BCL11B: variants seen among roughly 807,000 people sequenced by gnomAD.
BCL11B encodes B-cell lymphoma/leukemia 11B.
Under a neutral mutation model 49.9 loss-of-function variants are expected in BCL11B, and 8 were observed. The observed-to-expected ratio is 0.16, with a 90% CI of 0.09 to 0.29. The LOEUF is 0.29. BCL11B is among the 10% of genes least tolerant of loss of function. The probability of loss-of-function intolerance (pLI) is 1.00; values close to 1 mark genes in which losing one functional copy is unlikely to be tolerated. For synonymous variants in BCL11B, 739 were observed against 637.4 expected (o/e 1.16, Z -2.40); for missense variants, 1,006 against 1,351.0 (o/e 0.74, Z 4.00).
intron 3 of BCL11B, among the ~76,000 whole-genome samples, chr14:99,196,201 C>T (rs1001650231): frequency 2.0e-5 from 3 of 152,200 alleles, no homozygotes; most frequent in African/African-American, 4.8e-5. Flanking sequence ...CCCCAGCCCA[C>T]GTCTCCCCAG....
At chr14:99,266,194 C>G (rs1056228728) in intron 1 of BCL11B, among the ~76,000 whole-genome samples, 15 of 152,122 alleles carry the variant, frequency 9.9e-5, no homozygotes, top group Non-Finnish European at 1.9e-4. Context: ...GGAACATTAC[C>G]TAATAAATGG....
chr14:99,215,376 C>A (rs1266455768), intron 3 of BCL11B, among the ~76,000 whole-genome samples: 5 of 152,198 alleles, frequency 3.3e-5, no homozygotes. Flanking sequence ...GTGGCCGCGG[C>A]CCCTGCCAAA....
intron 3 of BCL11B, among the ~76,000 whole-genome samples, chr14:99,229,153 T>C (rs3929904): frequency 0.058 from 8,598 of 148,168 alleles, 727 homozygotes; most frequent in East Asian, 0.34. Context: ...GATGGATGGA[T>C]GGACGGACGG....
rs1467278349 is a variant in BCL11B at position 99,175,958 on chromosome 14, C to T, written c.878G>A (p.Arg293His). The T allele has an allele frequency of 6.8e-7, 1 of 1,473,140 alleles. No homozygotes were observed. The highest frequency in any genetic ancestry group is 9.0e-7 in the Non-Finnish European group (1 of 1,112,384). The allele number at this position is 1,473,140 out of a possible 1,614,324, so 91.3% of individuals were successfully genotyped here. The change falls in exon 4 of 4, where the codon CGC becomes CAC. Residue 293 changes from arginine to histidine, a missense_variant. Physicochemically the swap from Arg to His is conservative, Grantham distance 29. Transcript: ENST00000357195. Reference protein sequence around the residue: ...LGDSNPFNLLRMTGPILRDHP... With the variant: ...LGDSNPFNLLHMTGPILRDHP... ...GTCCCGCAGGATGGGGCCCGTCATG[C>T]GCAGCAGGTTGAAGGGGTTGCTGTC...
chr14:99,204,164 A>G (rs2139826917), intron 3 of BCL11B, among the ~76,000 whole-genome samples: 1 of 152,244 alleles, frequency 6.6e-6, no homozygotes, highest in South Asian at 2.1e-4. Context: ...GGCCCACAAA[A>G]GGGGTTCACT....
chr14:99,174,009 G>A lies in BCL11B; in HGVS notation c.*142C>T. 1.3e-6 allele frequency: 1 copy of A among 757,532 alleles called. No homozygotes were observed. The highest frequency in any genetic ancestry group is 2.1e-6 in the Non-Finnish European group (1 of 470,956). 46.9% of individuals were successfully genotyped at this position (757,532 alleles called of 1,614,324 possible). ...TTTCCATAGGACTTCGCAGACACAG[G>A]TTAGGTTGGAGTGCCGCCTCCCCTG... On this transcript the variant is annotated 3_prime_UTR_variant, in exon 4 of 4. Coordinates refer to ENST00000357195, the MANE Select transcript of BCL11B (RefSeq NM_138576.4).
At chr14:99,216,950 A>T (rs920284912) in intron 3 of BCL11B, among the ~76,000 whole-genome samples, 28 of 152,184 alleles carry the variant, frequency 1.8e-4, no homozygotes, top group African/African-American at 6.8e-4. Flanking sequence ...ATGTGTACAC[A>T]CATCTGCACA....
In BCL11B at chr14:99,170,320, G is replaced by C. The variant is rs779651873; in HGVS notation, c.*3831C>G. ...AGGAAAGAGTGCATCGAACAGAAAAGCTTCTGCATTTGGTAAGGAATTGCC... is the reference window on the plus strand; with the variant it reads ...AGGAAAGAGTGCATCGAACAGAAAACCTTCTGCATTTGGTAAGGAATTGCC... On this transcript the variant is annotated 3_prime_UTR_variant, in exon 4 of 4. Coordinates refer to ENST00000357195, the MANE Select transcript of BCL11B (RefSeq NM_138576.4). 8.1e-5 allele frequency: 18 copies of C among 221,470 alleles called. No individual in the cohort carries two copies. Among genetic ancestry groups the C allele is most frequent in the Non-Finnish European group, 1.4e-4 (16 of 110,580 alleles). The allele number at this position is 221,470 out of a possible 1,614,324, so 13.7% of individuals were successfully genotyped here.
chr14:99,212,706 G>C (rs546526911), intron 3 of BCL11B, among the ~76,000 whole-genome samples: 1 of 152,020 alleles, frequency 6.6e-6, no homozygotes, highest in African/African-American at 2.4e-5. Context: ...ACCCCTCCAC[G>C]CCCCACCCCC....
chr14:99,186,246 C>G (rs867717591), intron 3 of BCL11B, among the ~76,000 whole-genome samples: 4 of 152,230 alleles, frequency 2.6e-5, no homozygotes, highest in African/African-American at 9.6e-5. Flanking sequence ...GTGCATCATG[C>G]ACAGTGGCTC....
chr14:99,265,642 G>T (rs960643755), intron 1 of BCL11B, among the ~76,000 whole-genome samples: 8 of 152,190 alleles, frequency 5.3e-5, no homozygotes, highest in African/African-American at 1.9e-4. Context: ...AGGTCACCGT[G>T]CCTCTTCATC....
In BCL11B at chr14:99,257,604, C is replaced by G. The variant is rs757631918; in HGVS notation, c.294G>C (p.Pro98=). 1.2e-6 allele frequency: 2 copies of G among 1,614,056 alleles called. No homozygotes were observed. Among genetic ancestry groups the G allele is most frequent in the Admixed American group, 3.3e-5 (2 of 60,020 alleles). ...TGAGCTCGGAGCGTGAGGAGGGTGG[C>G]GGGCTGTCCTTGTCCAGGGCCTTGT... is the stretch of plus-strand genomic sequence containing the variant. ...CYDKALDKDS[P]PPSSRSELRK... The change falls in exon 2 of 4, where the codon CCG becomes CCC. Residue 98 remains proline, a synonymous_variant. Transcript: ENST00000357195. This position sits in a 1 kb window ranked among gnomAD's most constrained non-coding sequence, Gnocchi z 6.2.
intron 3 of BCL11B, among the ~76,000 whole-genome samples, chr14:99,207,379 C>T (rs1038464240): frequency 6.6e-6 from 1 of 152,144 alleles, no homozygotes; most frequent in African/African-American, 2.4e-5. Context: ...GCACCTCATC[C>T]CTTCCTTTCC....
intron 1 of BCL11B, among the ~76,000 whole-genome samples, chr14:99,258,780 T>C (rs1889251048): frequency 6.6e-6 from 1 of 152,076 alleles, no homozygotes; most frequent in Non-Finnish European, 1.5e-5. Context: ...CCCAGAAAAA[T>C]GAAAGAAAGA....
chr14:99,229,153 T>TGGATGGATGGAC (rs1555381719), intron 3 of BCL11B, among the ~76,000 whole-genome samples: 3 of 148,066 alleles, frequency 2.0e-5, no homozygotes, highest in African/African-American at 7.4e-5. Flanking sequence ...GATGGATGGA[T>TGGATGGATGGAC]GGACGGACGG....
At chr14:99,251,505 T>C (rs912992850) in intron 2 of BCL11B, among the ~76,000 whole-genome samples, 1 of 151,782 alleles carries the variant, frequency 6.6e-6, no homozygotes, top group Middle Eastern at 3.4e-3. Flanking sequence ...ATAAAACAAA[T>C]AATTTGTATT....
At position 99,213,286 on chromosome 14, in the gene BCL11B, G is replaced by T. The variant is rs184716560; in HGVS notation, c.640+18059C>A. Among the ~76,000 whole-genome samples, 1 of 152,170 alleles carries T rather than the reference G, an allele frequency of 6.6e-6. No individual in the cohort carries two copies. The highest frequency in any genetic ancestry group is 1.5e-5 in the Non-Finnish European group (1 of 68,014). ...CAGCACAAAAGAGGATGAAGGCCCC[G>T]AGCTGCTCCCTCTCAAGTGCAGCAG... is the stretch of plus-strand genomic sequence containing the variant. On this transcript the variant is annotated intron_variant, in intron 3 of 3. Transcript: ENST00000357195. This position sits in a 1 kb window ranked among gnomAD's most constrained non-coding sequence, Gnocchi z 5.1.
At chr14:99,223,442 ATC>A (rs1325585193) in intron 3 of BCL11B, among the ~76,000 whole-genome samples, 1 of 152,160 alleles carries the variant, frequency 6.6e-6, no homozygotes, top group Non-Finnish European at 1.5e-5. Flanking sequence ...CACACATTTG[ATC>A]TCAGGTACAG....
intron 3 of BCL11B, among the ~76,000 whole-genome samples, chr14:99,217,385 G>GACACACACACACACATACAGACACACAC (rs1555380376): frequency 1.5e-5 from 2 of 131,018 alleles, no homozygotes; most frequent in Admixed American, 7.7e-5. Context: ...CACACATACA[G>GACACACACACACACATACAGACACACAC]ACACACACAC....
Sources: allele counts gnomAD v4.1 joint callset (sites outside exome capture counted in the v4.1 genomes callset), GRCh38; gene constraint gnomAD v4.1.1; non-coding constraint Gnocchi (gnomAD v3.1); transcripts MANE v1.5; gene names NCBI Gene and HGNC (gene_info 2026-07-23, HGNC 2026-07-21).